The following ZFHX3 variants were observed in gnomAD, a reference collection of about 807,000 sequenced individuals.
ZFHX3 encodes the protein zinc finger homeobox 3, also known as zinc finger homeobox protein 3.
Under a neutral mutation model 279.1 loss-of-function variants are expected in ZFHX3, and 42 were observed. The observed-to-expected ratio is 0.15, with a 90% CI of 0.12 to 0.19. ZFHX3 has a LOEUF of 0.19. Ranked by LOEUF, ZFHX3 falls within the 10% of genes least tolerant of loss-of-function variation. The pLI is 1.00. For synonymous variants in ZFHX3, 2,293 were observed against 1,957.8 expected (o/e 1.17, Z -4.52); for missense variants, 4,981 against 4,754.0 (o/e 1.05, Z -1.40).
intron 1 of ZFHX3, among the ~76,000 whole-genome samples, chr16:73,876,622 G>A (rs2142407028): frequency 6.6e-6 from 1 of 152,308 alleles, no homozygotes; most frequent in South Asian, 2.1e-4. Flanking sequence ...AAATACTTGA[G>A]TATAGAAATA....
chr16:73,611,972 A>T (rs2052251448), intron 2 of ZFHX3, among the ~76,000 whole-genome samples: 1 of 152,338 alleles, frequency 6.6e-6, no homozygotes, highest in East Asian at 1.9e-4. Context: ...GCTATATTAC[A>T]CACTGTAAAA....
chr16:73,782,580 G>A (rs1189210694), intron 1 of ZFHX3, among the ~76,000 whole-genome samples: 1 of 152,132 alleles, frequency 6.6e-6, no homozygotes, highest in African/African-American at 2.4e-5. Flanking sequence ...TAGAAGCATG[G>A]GCTGCCCACT....
chr16:73,483,323 G>T, intron 2 of ZFHX3: 1 of 443,922 alleles, frequency 2.3e-6, no homozygotes, highest in South Asian at 1.6e-5. Flanking sequence ...GACCAAGAGC[G>T]AGCGAGTGAG....
At chr16:73,116,186 C>T (rs918886394) in intron 7 of ZFHX3, among the ~76,000 whole-genome samples, 33 of 152,044 alleles carry the variant, frequency 2.2e-4, no homozygotes, top group African/African-American at 8.0e-4. Flanking sequence ...GTGCTTATGC[C>T]CTTTGGGTCT....
rs8044440 is a variant in ZFHX3, at chr16:72,788,015, G to A, written c.10261C>T (p.Pro3421Ser). 1 of 1,613,422 alleles carries A rather than the reference G, an allele frequency of 6.2e-7. No homozygotes were observed. The highest frequency in any genetic ancestry group is 1.7e-5 in the Admixed American group (1 of 60,022). The change falls in exon 10 of 10, where the codon CCA becomes TCA. Residue 3421 changes from proline to serine, a missense_variant. Pro to Ser is a moderately conservative substitution (Grantham distance 74). Transcript: ENST00000268489. ...DKDPAKESPK[P>S]EEQKNTPREV... ...CGGGGGGTGTTTTTCTGTTCTTCTG[G>A]TTTGGGGGATTCTTTGGCAGGGTCT...
At chr16:73,457,957 G>A (rs1431313377) in intron 2 of ZFHX3, among the ~76,000 whole-genome samples, 2 of 152,056 alleles carry the variant, frequency 1.3e-5, no homozygotes, top group African/African-American at 4.8e-5. Flanking sequence ...TAAATAAGGG[G>A]CACTTAAGCT....
At chr16:73,270,739 T>C (rs1597254320) in intron 4 of ZFHX3, among the ~76,000 whole-genome samples, 2 of 152,208 alleles carry the variant, frequency 1.3e-5, no homozygotes, top group Middle Eastern at 3.4e-3. Context: ...TTTAAAAACA[T>C]ATGGATGCCC....
intron 7 of ZFHX3, chr16:72,806,149 T>G (rs1386922224): frequency 2.6e-5 from 4 of 152,284 alleles, no homozygotes; most frequent in African/African-American, 9.7e-5. Flanking sequence ...TCTTCCCACT[T>G]TGGCCTCCTT....
intron 1 of ZFHX3, among the ~76,000 whole-genome samples, chr16:73,830,523 C>G (rs1186617702): frequency 6.6e-6 from 1 of 152,152 alleles, no homozygotes; most frequent in Non-Finnish European, 1.5e-5. Context: ...CCCCACCCCT[C>G]TTAACCTCTG....
chr16:73,878,008 T>C (rs1318453878), intron 1 of ZFHX3, among the ~76,000 whole-genome samples: 1 of 152,138 alleles, frequency 6.6e-6, no homozygotes, highest in Non-Finnish European at 1.5e-5. Flanking sequence ...TATATACATA[T>C]ATATATCTTC....
At chr16:73,620,754 T>C (rs2052350844) in intron 2 of ZFHX3, among the ~76,000 whole-genome samples, 1 of 152,228 alleles carries the variant, frequency 6.6e-6, no homozygotes, top group African/African-American at 2.4e-5. Flanking sequence ...CTTTGAATCC[T>C]ACAAAGTACC....
At chr16:73,372,843 C>T (rs973016873) in intron 3 of ZFHX3, among the ~76,000 whole-genome samples, 1 of 152,128 alleles carries the variant, frequency 6.6e-6, no homozygotes, top group Non-Finnish European at 1.5e-5. Flanking sequence ...TCAAAAAGCT[C>T]GCAGCCATCC....
intron 4 of ZFHX3, among the ~76,000 whole-genome samples, chr16:73,284,943 G>T (rs1156671003): frequency 6.6e-6 from 1 of 152,116 alleles, no homozygotes; most frequent in Non-Finnish European, 1.5e-5. Context: ...TGTGCTCAAT[G>T]GATCCTCCTG....
chr16:73,381,183 A>G (rs2016812883), intron 3 of ZFHX3, among the ~76,000 whole-genome samples: 1 of 152,212 alleles, frequency 6.6e-6, no homozygotes, highest in Non-Finnish European at 1.5e-5. Context: ...CTAAACAAAT[A>G]GATATCTTCT....
chr16:73,600,805 C>A (rs539355367), intron 2 of ZFHX3, among the ~76,000 whole-genome samples: 8 of 152,248 alleles, frequency 5.3e-5, no homozygotes, highest in African/African-American at 1.9e-4. Context: ...CTACCACTCA[C>A]ACCCAATCCC....
At chr16:73,080,812 C>T (rs1409979765) in intron 8 of ZFHX3, among the ~76,000 whole-genome samples, 1 of 152,122 alleles carries the variant, frequency 6.6e-6, no homozygotes, top group East Asian at 1.9e-4. Flanking sequence ...AACTCCTGGC[C>T]TCAAGCAATC....
intron 2 of ZFHX3, among the ~76,000 whole-genome samples, chr16:73,536,347 T>C (rs547387939): frequency 1.3e-5 from 2 of 152,224 alleles, no homozygotes; most frequent in South Asian, 2.1e-4. Flanking sequence ...ATAAAACAGG[T>C]TCTTGGTAGT....
chr16:73,539,213 G>A (rs141883879), intron 2 of ZFHX3, among the ~76,000 whole-genome samples: 1,541 of 151,364 alleles, frequency 0.01, 27 homozygotes, highest in African/African-American at 0.036. Flanking sequence ...TTCTGTGACT[G>A]TGTGGCCTGG....
intron 3 of ZFHX3, among the ~76,000 whole-genome samples, chr16:73,417,985 T>A (rs10781975): frequency 0.38 from 35,612 of 93,386 alleles, 6,176 homozygotes; most frequent in East Asian, 0.64. Flanking sequence ...CGAGACTCCA[T>A]CTCAAAAAAA....
Sources: allele counts gnomAD v4.1 joint callset (sites outside exome capture counted in the v4.1 genomes callset), GRCh38; gene constraint gnomAD v4.1.1; transcripts MANE v1.5; gene names NCBI Gene and HGNC (gene_info 2026-07-23, HGNC 2026-07-21).